Variants in GNL3L observed in about 807,000 individuals in gnomAD.
GNL3L encodes the protein G protein nucleolar 3 like.
GNL3L carries 4 observed loss-of-function variants against 42.9 expected under a neutral mutation model. The ratio of observed to expected loss-of-function variants is 0.09; its 90% CI spans 0.05 to 0.21. The LOEUF is 0.21. GNL3L is among the 10% of genes least tolerant of loss of function. The pLI is 1.00. For missense variants in GNL3L, 412 were observed against 481.7 expected, an observed-to-expected ratio of 0.86 and a Z score of 1.36; for synonymous variants, 159 against 176.3, an observed-to-expected ratio of 0.90 and a Z score of 0.78.
Position 54,551,022 on chromosome X carries a change from A to C in GNL3L, c.835A>C (p.Ser279Arg). 1 of 1,136,188 alleles carries C rather than the reference A, an allele frequency of 8.8e-7. No homozygotes were observed. Among genetic ancestry groups the C allele is most frequent in the South Asian group, 1.8e-5 (1 of 55,234 alleles). The allele number at this position is 1,136,188 out of a possible 1,213,427, so 93.6% of individuals were successfully genotyped here. A position where few individuals can be genotyped will look rare whatever the true frequency, so the allele number is the denominator to read the frequency against. Reference sequence around the variant, plus strand: ...TAGCCTGAAGCGCAGCCGCGCATGCAGCGTGGGAGCTGTTCCTGGAATTAC... The same window carrying C: ...TAGCCTGAAGCGCAGCCGCGCATGCCGCGTGGGAGCTGTTCCTGGAATTAC... ...INSLKRSRACSVGAVPGITKF... is the reference protein window; with the variant it reads ...INSLKRSRACRVGAVPGITKF... Residue 279 changes from serine (S) to arginine (R), a missense_variant, in exon 10 of 16, where the codon AGC (serine) becomes CGC (arginine). By Grantham distance (110) the Ser-to-Arg change is moderately radical. Transcript: ENST00000360845.
At chrX:54,634,872 C>A in the GNL3L span, among the ~76,000 whole-genome samples, 1 of 100,735 alleles carries the variant, frequency 9.9e-6, no homozygotes, top group East Asian at 3.2e-4. Flanking sequence ...TCACTACAAC[C>A]TCTGCCTCCT....
chrX:54,590,739 C>T (rs1003959351), intron 16 of GNL3L, among the ~76,000 whole-genome samples: 4 of 111,448 alleles, frequency 3.6e-5, no homozygotes, highest in Non-Finnish European at 7.5e-5. Flanking sequence ...GTAGTAGTTT[C>T]ATAGTTTGAG....
chrX:54,625,460 GTATTA>G (rs1405973188), downstream of GNL3L, among the ~76,000 whole-genome samples: 1 of 110,316 alleles, frequency 9.1e-6, no homozygotes, highest in Non-Finnish European at 1.9e-5. Context: ...TTAATGTAGT[GTATTA>G]TATTGTTTGA....
chrX:54,557,681 G>A lies in GNL3L; in HGVS notation c.1447-755G>A, dbSNP rs929656953. ...ACTCCTGACCTCAAGTGATCTGCCC[G>A]CCTCAGCCTCCCAAAGTGCTAGGAT... is the stretch of plus-strand genomic sequence containing the variant. On this transcript the variant is annotated intron_variant, in intron 14 of 15. Transcript: ENST00000360845. 3.6e-5 allele frequency among the ~76,000 whole-genome samples: 4 copies of A among 110,437 alleles called. No individual in the cohort carries two copies. In the South Asian group the frequency reaches 1.2e-3, roughly 32 times the overall value.
downstream of GNL3L, among the ~76,000 whole-genome samples, chrX:54,571,571 G>C (rs988459800): frequency 1.0e-5 from 1 of 99,344 alleles, no homozygotes; most frequent in Admixed American, 1.2e-4. Flanking sequence ...CTGAGCTCAA[G>C]CAATCCTCCC....
chrX:54,552,361 C>T lies in GNL3L; in HGVS notation c.1251C>T (p.Ile417=), dbSNP rs1039248555. The T allele has an allele frequency of 3.3e-6, 4 of 1,203,650 alleles. No individual in the cohort carries two copies. Among genetic ancestry groups the T allele is most frequent in the South Asian group, 3.5e-5 (2 of 56,667 alleles). ...TGCCCACCCATCTCAGTGCTGAGAT[C>T]GTTAAGGAAATGACCGAGGTCTTTG... ...HTLPTHLSAE[I]VKEMTEVFDI... is the part of the protein sequence containing the mutation. The change falls in exon 13 of 16, where the codon ATC becomes ATT. Residue 417 remains isoleucine, a synonymous_variant. Transcript: ENST00000360845.
chrX:54,542,922 C>T (rs2147478523), intron 5 of GNL3L, 33 bp from the exon 6 acceptor site: 1 of 934,030 alleles, frequency 1.1e-6, no homozygotes. Context: ...CCCCCTCCTC[C>T]CCTGGACCAT....
chrX:54,613,212 C>T lies in GNL3L; in HGVS notation c.*46-7633C>T, dbSNP rs147730369. Among the ~76,000 whole-genome samples, 223 of 111,232 alleles carry T rather than the reference C, an allele frequency of 2.0e-3. 1 individual carries two copies. The highest frequency in any genetic ancestry group is 6.7e-3 in the African/African-American group (204 of 30,648). On this transcript the variant is annotated intron_variant, in intron 16 of 16. Transcript: ENST00000674498. The stretch of plus-strand genomic sequence containing the variant: ...TCTGAATTTCTCTCTTCTACTTGTC[C>T]GGTTCTATTGCTGAGACTTTCGCAG...
chrX:54,537,725 G>A (rs764780138), intron 2 of GNL3L, among the ~76,000 whole-genome samples: 1 of 111,277 alleles, frequency 9.0e-6, no homozygotes, highest in Admixed American at 9.7e-5. Flanking sequence ...GCTAGCAACA[G>A]GCAGGTGCTA....
chrX:54,630,738 TTC>T, the GNL3L span, among the ~76,000 whole-genome samples: 7 of 67,537 alleles, frequency 1.0e-4, no homozygotes, highest in African/African-American at 2.2e-4. Context: ...CTTTCTTTCT[TTC>T]TCTTTCTTTC....
intron 8 of GNL3L, among the ~76,000 whole-genome samples, chrX:54,545,125 G>A (rs1189104338): frequency 4.5e-5 from 5 of 110,897 alleles, no homozygotes; most frequent in African/African-American, 6.5e-5. Context: ...CGTGTTGGCC[G>A]GGCTGGTCTC....
intron 16 of GNL3L, among the ~76,000 whole-genome samples, chrX:54,607,084 TCTTTCTTTCTTTCTTTC>T (rs1926100151): frequency 4.1e-5 from 2 of 49,174 alleles, no homozygotes; most frequent in Non-Finnish European, 6.9e-5. Flanking sequence ...CTTTCTTTCT[TCTTTCTTTCTTTCTTTC>T]TTTCTTTCTT....
At chrX:54,545,917 T>A (rs1924759228) in intron 8 of GNL3L, among the ~76,000 whole-genome samples, 2 of 112,443 alleles carry the variant, frequency 1.8e-5, no homozygotes, top group Non-Finnish European at 3.8e-5. Context: ...GGCGTGATGA[T>A]AGCTCATTGC....
Position 54,616,194 on chromosome X carries a change from C to T in GNL3L, c.*46-4651C>T, listed in dbSNP as rs1052948822. 1.2e-4 allele frequency among the ~76,000 whole-genome samples: 14 copies of T among 113,040 alleles called. No homozygotes were observed. In the East Asian group the frequency reaches 1.9e-3, roughly 16 times the overall value. On this transcript the variant is annotated intron_variant, in intron 16 of 16. Transcript: ENST00000674498. ...GAGAAGGCCTGGCAAGGGCAGTGCC[C>T]GCCATATGGGCGCCACAAGCAGGCT...
intron 1 of GNL3L, among the ~76,000 whole-genome samples, chrX:54,532,265 GC>G: frequency 9.1e-6 from 1 of 109,326 alleles, no homozygotes; most frequent in African/African-American, 3.3e-5. Flanking sequence ...TGGGCTCAAA[GC>G]CCAGTGGCTT....
At chrX:54,567,474 C>T (rs1925466233), downstream of GNL3L, among the ~76,000 whole-genome samples, 1 of 109,430 alleles carries the variant, frequency 9.1e-6, no homozygotes, top group Admixed American at 9.9e-5. Context: ...TGGAGAAACC[C>T]CGTCTCTACT....
intron 16 of GNL3L, among the ~76,000 whole-genome samples, chrX:54,588,791 C>CA (rs1229673344): frequency 1.8e-5 from 2 of 108,728 alleles, no homozygotes; most frequent in Non-Finnish European, 3.8e-5. Flanking sequence ...CGCTACGGCT[C>CA]AAAAAAAATA....
rs920837086 is a variant in GNL3L at position 54,615,357 on chromosome X, T to C, written c.*46-5488T>C. ...TTGGGCTCTTTCCACCTTTTAGCTATTGTGAATAGTGTTGCTATGAACATA... is the reference window on the plus strand; with the variant it reads ...TTGGGCTCTTTCCACCTTTTAGCTACTGTGAATAGTGTTGCTATGAACATA... On this transcript the variant is annotated intron_variant, in intron 16 of 16. Transcript: ENST00000674498. Among the ~76,000 whole-genome samples the C allele has an allele frequency of 1.2e-4, 13 of 112,006 alleles. No homozygotes were observed. The Admixed American group carries it at 1.2e-3, about 11-fold the overall frequency.
chrX:54,597,459 T>C (rs191043597), intron 16 of GNL3L, among the ~76,000 whole-genome samples: 1 of 110,900 alleles, frequency 9.0e-6, no homozygotes, highest in East Asian at 2.9e-4. Context: ...TCTCCTCAAA[T>C]GGAAGGAAGG....
Sources: gnomAD v4.1 joint callset for allele counts (sites outside exome capture counted in the v4.1 genomes callset) on GRCh38, gnomAD v4.1.1 for gene constraint, MANE v1.5 for transcripts, NCBI Gene and HGNC (gene_info 2026-07-23, HGNC 2026-07-21) for gene names.